LRIG3: variants seen among roughly 807,000 people sequenced by gnomAD.
LRIG3 encodes the protein leucine rich repeats and immunoglobulin like domains 3, also known as leucine-rich repeats and immunoglobulin-like domains protein 3.
A neutral mutation model predicts 114.5 loss-of-function variants in LRIG3; 76 were observed. The ratio of observed to expected loss-of-function variants is 0.66; its 90% confidence interval spans 0.55 to 0.80. The LOEUF (loss-of-function observed/expected upper bound fraction) is 0.80, where lower values mean the gene tolerates loss of function less well. Ranked by LOEUF, LRIG3 falls within the 30% of genes least tolerant of loss-of-function variation. The pLI is 0.00. For synonymous variants in LRIG3, 512 were observed against 519.8 expected, an observed-to-expected ratio of 0.98 and a Z score of 0.20; for missense variants, 1,239 against 1,382.8, an observed-to-expected ratio of 0.90 and a Z score of 1.65.
chr12:58,912,885 A>T (rs1177863272), intron 3 of LRIG3, among the ~76,000 whole-genome samples: 1 of 152,246 alleles, frequency 6.6e-6, no homozygotes, highest in African/African-American at 2.4e-5. Context: ...TTTTAAATAC[A>T]GTGTTTATTT....
Position 58,882,941 on chromosome 12 carries a change from C to CTCTG in LRIG3, c.1407_1408insCAGA (p.Ala470GlnfsTer19). The CTCTG allele has an allele frequency of 6.2e-7, 1 of 1,614,138 alleles. No individual in the cohort carries two copies. Among genetic ancestry groups the CTCTG allele is most frequent in the Non-Finnish European group, 8.5e-7 (1 of 1,179,984 alleles). ...AGCAGCTGAGGATGGGCACAACTGG[C>CTCTG]ATTTACAAAGCTCTGAAAGTTGTTT... On this transcript the variant is annotated frameshift_variant, in exon 12 of 19. Coordinates refer to ENST00000320743, the MANE Select transcript of LRIG3 (RefSeq NM_153377.5). LOFTEE classifies it high-confidence loss of function.
chr12:58,919,641 A>C, intron 1 of LRIG3: 1 of 1,431,486 alleles, frequency 7.0e-7, no homozygotes, highest in East Asian at 2.5e-5. Context: ...TGATGTGTGC[A>C]GGTTGCCGCT....
chr12:58,879,556 T>G (rs1040472429), intron 13 of LRIG3, among the ~76,000 whole-genome samples: 1 of 152,248 alleles, frequency 6.6e-6, no homozygotes, highest in Non-Finnish European at 1.5e-5. Context: ...AACTGTTCTA[T>G]GTGCCAGGCC....
chr12:58,881,883 G>T (rs1263512762), intron 12 of LRIG3, among the ~76,000 whole-genome samples: 1 of 152,138 alleles, frequency 6.6e-6, no homozygotes, highest in African/African-American at 2.4e-5. Context: ...AAAAAACGAT[G>T]GATACTATAC....
At chr12:58,903,414 T>C (rs1296978110) in intron 3 of LRIG3, among the ~76,000 whole-genome samples, 1 of 152,152 alleles carries the variant, frequency 6.6e-6, no homozygotes, top group Non-Finnish European at 1.5e-5. Context: ...TTTGATGGGG[T>C]TGTTTTTTTC....
chr12:58,887,760 G>A (rs961273416), intron 8 of LRIG3, 29 bp downstream of exon 8: 10 of 1,607,616 alleles, frequency 6.2e-6, no homozygotes, highest in East Asian at 2.2e-5. Flanking sequence ...AATTACGTTC[G>A]AGTACTGACA....
At chr12:58,896,945 C>T (rs1871664923) in intron 3 of LRIG3, among the ~76,000 whole-genome samples, 1 of 152,176 alleles carries the variant, frequency 6.6e-6, no homozygotes, top group African/African-American at 2.4e-5. Context: ...TCTGCAAACA[C>T]ATTAAAGGTC....
intron 1 of LRIG3, chr12:58,919,435 A>T (rs1365223267): frequency 7.1e-6 from 11 of 1,551,318 alleles, no homozygotes; most frequent in African/African-American, 1.4e-5. Flanking sequence ...ACGGTCTGCT[A>T]ATGTGAAAAA....
At position 58,919,648 on chromosome 12, in the gene LRIG3, C is replaced by T. The variant is rs1872600433; in HGVS notation, c.236+352G>A. 12 of 1,381,604 alleles carry T rather than the reference C, an allele frequency of 8.7e-6. No homozygotes were observed. The South Asian group carries it at 1.6e-4, about 19-fold the overall frequency. The allele number at this position is 1,381,604 out of a possible 1,614,324, so 85.6% of individuals were successfully genotyped here. A position where few individuals can be genotyped will look rare whatever the true frequency, so the allele number is the denominator to read the frequency against. On this transcript the variant is annotated intron_variant, in intron 1 of 18. Coordinates refer to ENST00000320743, the MANE Select transcript of LRIG3 (RefSeq NM_153377.5). Reference sequence around the variant, plus strand: ...CAAACTCCTGATGTGTGCAGGTTGCCGCTTATCTCCCCTGGGCCTGGCAGG... The same window carrying T: ...CAAACTCCTGATGTGTGCAGGTTGCTGCTTATCTCCCCTGGGCCTGGCAGG...
intron 7 of LRIG3, 93 bp from the exon 8 acceptor site, chr12:58,888,025 T>A (rs1488197145): frequency 2.7e-6 from 3 of 1,095,304 alleles, no homozygotes; most frequent in Non-Finnish European, 3.9e-6. Context: ...TGAGCTACAC[T>A]AATCCTTATT....
At chr12:58,902,102 G>T (rs1445770691) in intron 3 of LRIG3, among the ~76,000 whole-genome samples, 5 of 152,134 alleles carry the variant, frequency 3.3e-5, no homozygotes, top group Non-Finnish European at 5.9e-5. Flanking sequence ...GACAGGAAAG[G>T]CCAGAGGAGA....
At chr12:58,911,648 T>C (rs1872277446) in intron 3 of LRIG3, among the ~76,000 whole-genome samples, 1 of 151,978 alleles carries the variant, frequency 6.6e-6, no homozygotes, top group South Asian at 2.1e-4. Flanking sequence ...ATCTGTGTCA[T>C]GTTATATAAC....
At chr12:58,888,763 A>C (rs971468100) in intron 6 of LRIG3, 56 bp downstream of exon 6, 3 of 1,584,400 alleles carry the variant, frequency 1.9e-6, no homozygotes, top group East Asian at 2.2e-5. Flanking sequence ...CTGAATGTAC[A>C]CTGAGCATTC....
chr12:58,899,047 C>T (rs997731588), intron 3 of LRIG3, among the ~76,000 whole-genome samples: 41 of 152,340 alleles, frequency 2.7e-4, no homozygotes, highest in African/African-American at 9.6e-4. Flanking sequence ...GTTTTGTAAA[C>T]TTTAGCACAC....
intron 3 of LRIG3, among the ~76,000 whole-genome samples, chr12:58,911,645 TC>T: frequency 6.6e-6 from 1 of 152,166 alleles, no homozygotes; most frequent in South Asian, 2.1e-4. Flanking sequence ...TCAATCTGTG[TC>T]ATGTTATATA....
intron 3 of LRIG3, among the ~76,000 whole-genome samples, chr12:58,893,251 T>G (rs1330527993): frequency 2.6e-5 from 4 of 152,228 alleles, no homozygotes; most frequent in Non-Finnish European, 4.4e-5. Context: ...GAAATAGTGT[T>G]AAAACTCTTC....
chr12:58,913,009 C>A (rs181949480), intron 3 of LRIG3, among the ~76,000 whole-genome samples: 1 of 152,280 alleles, frequency 6.6e-6, no homozygotes, highest in African/African-American at 2.4e-5. Context: ...GCAGACACAG[C>A]GGCTGCACCC....
At chr12:58,893,070 T>C (rs1017551538) in intron 3 of LRIG3, among the ~76,000 whole-genome samples, 52 of 152,190 alleles carry the variant, frequency 3.4e-4, no homozygotes, top group African/African-American at 1.1e-3. Context: ...TCCCAATCTG[T>C]GCTTGCCCAC....
chr12:58,897,587 A>G (rs1365788547), intron 3 of LRIG3, among the ~76,000 whole-genome samples: 1 of 152,170 alleles, frequency 6.6e-6, no homozygotes, highest in Non-Finnish European at 1.5e-5. Flanking sequence ...TCTTAACACA[A>G]CAACAACAAA....
Sources: gnomAD v4.1 joint callset for allele counts (sites outside exome capture counted in the v4.1 genomes callset) on GRCh38, gnomAD v4.1.1 for gene constraint, MANE v1.5 for transcripts, NCBI Gene and HGNC (gene_info 2026-07-23, HGNC 2026-07-21) for gene names.